Variants in MMP16 observed in about 807,000 individuals in gnomAD.
MMP16 encodes the protein matrix metalloproteinase-16.
In MMP16, 12 loss-of-function variants were observed where a neutral mutation model predicts 67.8. The observed-to-expected ratio is 0.18, with a 90% confidence interval of 0.11 to 0.29. MMP16 has a LOEUF of 0.29. MMP16 is among the 10% of genes least tolerant of loss of function. The pLI, the probability that MMP16 is intolerant of heterozygous loss-of-function variation, is 1.00. For synonymous variants in MMP16, 249 were observed against 255.9 expected, an observed-to-expected ratio of 0.97 and a Z score of 0.26; for missense variants, 475 against 765.7, an observed-to-expected ratio of 0.62 and a Z score of 4.48.
Position 88,178,630 on chromosome 8 carries a change from A to C in MMP16, c.404+7846T>G, listed in dbSNP as rs2129731706. ...TATGTGGCAAGTTCTGCATATCCTC[A>C]CCTATTTCATGTATTACAGCTTTTA... On this transcript the variant is annotated intron_variant, in intron 3 of 9. Transcript: ENST00000286614. Among the ~76,000 whole-genome samples the C allele has an allele frequency of 3.3e-5, 5 of 151,982 alleles. 1 individual carries two copies. The Middle Eastern group carries it at 0.017, about 520-fold the overall frequency.
At chr8:88,286,360 T>C (rs889725202) in intron 1 of MMP16, among the ~76,000 whole-genome samples, 2 of 152,176 alleles carry the variant, frequency 1.3e-5, no homozygotes, top group African/African-American at 4.8e-5. Context: ...TCCTGATTAT[T>C]TTGGACTCAC....
chr8:88,161,516 A>G (rs1039721800), intron 4 of MMP16, among the ~76,000 whole-genome samples: 3 of 151,734 alleles, frequency 2.0e-5, no homozygotes, highest in Admixed American at 6.6e-5. Flanking sequence ...TGGATTCATT[A>G]ATTTTTTGAG....
At chr8:88,097,950 C>A (rs1406833074) in intron 6 of MMP16, among the ~76,000 whole-genome samples, 2 of 151,830 alleles carry the variant, frequency 1.3e-5, no homozygotes, top group Non-Finnish European at 2.9e-5. Flanking sequence ...CCAGGTCCTG[C>A]CCAAGACTTT....
chr8:88,149,012 C>T (rs998723725), intron 4 of MMP16, among the ~76,000 whole-genome samples: 65 of 152,246 alleles, frequency 4.3e-4, no homozygotes, highest in African/African-American at 1.6e-3. Flanking sequence ...GCGCACCGGG[C>T]GCGAGCCAAA....
At chr8:88,246,981 A>G (rs1478701398) in intron 1 of MMP16, among the ~76,000 whole-genome samples, 2 of 152,148 alleles carry the variant, frequency 1.3e-5, no homozygotes, top group Non-Finnish European at 2.9e-5. Flanking sequence ...TGGAATGGAC[A>G]ACTCTTCATT....
chr8:88,304,310 C>T (rs542917459), intron 1 of MMP16, among the ~76,000 whole-genome samples: 2 of 152,178 alleles, frequency 1.3e-5, no homozygotes, highest in East Asian at 1.9e-4. Flanking sequence ...AGAGACTGAA[C>T]CTTCGACTGA....
At position 88,186,502 on chromosome 8, in the gene MMP16, T is replaced by C. The variant is rs1449886290; in HGVS notation, c.378A>G (p.Lys126=). 12 of 1,613,334 alleles carry C rather than the reference T, an allele frequency of 7.4e-6. No homozygotes were observed. In the South Asian group the frequency reaches 9.9e-5, roughly 13 times the overall value. ...RRKRYALTGQ[K]WQHKHITYSI... is the part of the protein sequence containing the mutation. ...TGTAAGTGATGTGCTTGTGCTGCCA[T>C]TTCTGTCCTGTCAATGCATATCGCT... The change falls in exon 3 of 10, where the codon AAA becomes AAG. Residue 126 remains lysine (K), a synonymous_variant. Transcript: ENST00000286614.
At chr8:88,244,258 A>C (rs531787634) in intron 1 of MMP16, among the ~76,000 whole-genome samples, 2 of 152,316 alleles carry the variant, frequency 1.3e-5, no homozygotes, top group South Asian at 4.1e-4. Context: ...AACAACTTTT[A>C]TAATTGGGAA....
At chr8:88,127,370 C>G (rs1807952401) in intron 4 of MMP16, among the ~76,000 whole-genome samples, 1 of 151,800 alleles carries the variant, frequency 6.6e-6, no homozygotes, top group African/African-American at 2.4e-5. Context: ...AGTTAGAAGA[C>G]TGCTTCAGTA....
chr8:88,237,150 A>T (rs1217666280), intron 1 of MMP16, among the ~76,000 whole-genome samples: 2 of 152,224 alleles, frequency 1.3e-5, no homozygotes, highest in African/African-American at 4.8e-5. Flanking sequence ...CCCTGCACTG[A>T]TAAGACCATC....
chr8:88,266,224 A>C (rs1810474817), intron 1 of MMP16, among the ~76,000 whole-genome samples: 1 of 152,142 alleles, frequency 6.6e-6, no homozygotes, highest in Non-Finnish European at 1.5e-5. Flanking sequence ...GGAAACCAAG[A>C]GAGTAAATAG....
At chr8:88,289,342 G>A (rs573554614) in intron 1 of MMP16, among the ~76,000 whole-genome samples, 1 of 152,138 alleles carries the variant, frequency 6.6e-6, no homozygotes, top group East Asian at 1.9e-4. Flanking sequence ...GTATATTGGA[G>A]AAAAAGGAAC....
chr8:88,218,773 G>A (rs1586210570), intron 1 of MMP16, among the ~76,000 whole-genome samples: 2 of 152,010 alleles, frequency 1.3e-5, no homozygotes, highest in African/African-American at 2.4e-5. Context: ...ATGCTCAAGA[G>A]AAGCGCTGCA....
chr8:88,151,497 A>T (rs902838906), intron 4 of MMP16, among the ~76,000 whole-genome samples: 1 of 149,324 alleles, frequency 6.7e-6, no homozygotes, highest in Non-Finnish European at 1.5e-5. Flanking sequence ...AAAGAACAGA[A>T]ATTATAACAA....
At chr8:88,230,098 C>A (rs1809834840) in intron 1 of MMP16, among the ~76,000 whole-genome samples, 1 of 152,034 alleles carries the variant, frequency 6.6e-6, no homozygotes, top group Non-Finnish European at 1.5e-5. Flanking sequence ...CTTGTGGTGT[C>A]CATCATCATT....
intron 1 of MMP16, among the ~76,000 whole-genome samples, chr8:88,248,113 C>T (rs1021798599): frequency 3.3e-5 from 5 of 151,964 alleles, no homozygotes; most frequent in African/African-American, 1.2e-4. Context: ...GCTGGGGCTG[C>T]ATTAGCTGAC....
At chr8:88,300,089 T>G (rs1437714347) in intron 1 of MMP16, among the ~76,000 whole-genome samples, 2 of 152,188 alleles carry the variant, frequency 1.3e-5, no homozygotes, top group African/African-American at 2.4e-5. Context: ...AGACCACATG[T>G]AAGTGGTATC....
intron 6 of MMP16, among the ~76,000 whole-genome samples, chr8:88,111,708 C>T (rs770566185): frequency 3.3e-5 from 5 of 151,614 alleles, no homozygotes; most frequent in Non-Finnish European, 5.9e-5. Context: ...TGACAACAGA[C>T]TGAAAGGAGG....
At chr8:88,069,513 T>C in intron 7 of MMP16, 1 of 527,376 alleles carries the variant, frequency 1.9e-6, no homozygotes, top group Admixed American at 2.0e-5. Flanking sequence ...AGATAGAGTG[T>C]CTCCCTTCAC....
Sources: allele counts gnomAD v4.1 joint callset (sites outside exome capture counted in the v4.1 genomes callset), GRCh38; gene constraint gnomAD v4.1.1; transcripts MANE v1.5; gene names NCBI Gene and HGNC (gene_info 2026-07-23, HGNC 2026-07-21).